The following TMEM108 variants were observed in gnomAD, a reference collection of about 807,000 sequenced individuals.
TMEM108 encodes the protein transmembrane protein 108.
TMEM108 carries 12 observed loss-of-function variants against 35.1 expected under a neutral mutation model. The ratio of observed to expected loss-of-function variants is 0.34; its 90% confidence interval spans 0.22 to 0.55. The LOEUF (loss-of-function observed/expected upper bound fraction) is 0.55. Among genes scored for constraint, TMEM108 ranks in the 20% least tolerant of loss-of-function variants. The probability of loss-of-function intolerance (pLI) is 0.89; values close to 1 mark genes in which losing one functional copy is unlikely to be tolerated. For missense variants in TMEM108, 680 were observed against 753.3 expected (o/e 0.90, Z 1.14); for synonymous variants, 287 against 308.6 (o/e 0.93, Z 0.73).
intron 2 of TMEM108, among the ~76,000 whole-genome samples, chr3:133,077,272 GA>G (rs34594883): frequency 0.17 from 26,201 of 152,058 alleles, 2,375 homozygotes; most frequent in East Asian, 0.23. Context: ...TTGCAGAGAG[GA>G]AAAAGGGCCC....
intron 2 of TMEM108, among the ~76,000 whole-genome samples, chr3:133,151,061 C>T (rs758493366): frequency 6.6e-6 from 1 of 152,124 alleles, no homozygotes; most frequent in Non-Finnish European, 1.5e-5. Context: ...TTCCAAGAAC[C>T]CTTTTTTATT....
chr3:133,309,978 G>A (rs956706484), intron 3 of TMEM108, among the ~76,000 whole-genome samples: 20 of 152,148 alleles, frequency 1.3e-4, no homozygotes, highest in Non-Finnish European at 2.8e-4. Flanking sequence ...GGGATTACAG[G>A]CGTGAGCCAC....
intron 3 of TMEM108, among the ~76,000 whole-genome samples, chr3:133,347,027 C>T (rs1233625732): frequency 6.6e-6 from 1 of 152,086 alleles, no homozygotes; most frequent in South Asian, 2.1e-4. Flanking sequence ...TATTACACTG[C>T]CTTCATTACT....
chr3:133,178,408 A>T (rs1945272773), intron 2 of TMEM108, among the ~76,000 whole-genome samples: 1 of 152,186 alleles, frequency 6.6e-6, no homozygotes, highest in Non-Finnish European at 1.5e-5. Context: ...ACTTCAAATT[A>T]TACTACAAGG....
chr3:133,101,715 A>G (rs1485151798), intron 2 of TMEM108, among the ~76,000 whole-genome samples: 2 of 152,256 alleles, frequency 1.3e-5, no homozygotes, highest in Non-Finnish European at 2.9e-5. Context: ...AACTTAAAAC[A>G]TATAGTTGGA....
chr3:133,396,725 C>G lies in TMEM108; in HGVS notation c.*739C>G, dbSNP rs905053162. On this transcript the variant is annotated 3_prime_UTR_variant, in exon 6 of 6. Transcript: ENST00000321871. ...GCCCATTCCTGTATCCCCTCCAACA[C>G]CCACATCTGCATTAAACACCCGTGC... 1 of 152,194 alleles carries G rather than the reference C, an allele frequency of 6.6e-6. No homozygotes were observed. The highest frequency in any genetic ancestry group is 2.4e-5 in the African/African-American group (1 of 41,442). The allele number at this position is 152,194 out of a possible 1,614,324, so 9.4% of individuals were successfully genotyped here.
intron 2 of TMEM108, among the ~76,000 whole-genome samples, chr3:133,217,838 T>G (rs1479002135): frequency 2.0e-5 from 3 of 152,112 alleles, no homozygotes. Flanking sequence ...GTGGTGTATT[T>G]TGAAGTCAGG....
At chr3:133,059,750 T>C (rs1943515184) in intron 2 of TMEM108, among the ~76,000 whole-genome samples, 1 of 152,130 alleles carries the variant, frequency 6.6e-6, no homozygotes. Context: ...CATACAAAAA[T>C]CATTGTTTTT....
At chr3:133,352,033 G>T (rs910324184) in intron 3 of TMEM108, among the ~76,000 whole-genome samples, 2 of 152,108 alleles carry the variant, frequency 1.3e-5, no homozygotes, top group African/African-American at 4.8e-5. Flanking sequence ...CATCTTAAAA[G>T]CTAATGTTAA....
intron 3 of TMEM108, among the ~76,000 whole-genome samples, chr3:133,268,527 T>G (rs1349076110): frequency 6.6e-6 from 1 of 152,216 alleles, no homozygotes; most frequent in Non-Finnish European, 1.5e-5. Flanking sequence ...TTTATTCTAC[T>G]TCAAAACTAG....
chr3:133,275,258 TATA>T (rs1243125406), intron 3 of TMEM108, among the ~76,000 whole-genome samples: 3 of 152,174 alleles, frequency 2.0e-5, no homozygotes, highest in African/African-American at 7.2e-5. Flanking sequence ...CCACTAGAAA[TATA>T]ATAGGAATCA....
chr3:133,370,504 C>T (rs1239150489), intron 3 of TMEM108, among the ~76,000 whole-genome samples: 3 of 152,166 alleles, frequency 2.0e-5, no homozygotes, highest in Admixed American at 1.3e-4. Flanking sequence ...CTCTGGTTCT[C>T]TACTGTAAAG....
chr3:133,323,064 T>C (rs1007580180), intron 3 of TMEM108, among the ~76,000 whole-genome samples: 1 of 151,912 alleles, frequency 6.6e-6, no homozygotes, highest in Non-Finnish European at 1.5e-5. Context: ...TACTGAACAG[T>C]GAAAAGTTGA....
intron 2 of TMEM108, among the ~76,000 whole-genome samples, chr3:133,172,128 C>CAATT (rs1303958161): frequency 6.6e-6 from 1 of 152,162 alleles, no homozygotes; most frequent in Non-Finnish European, 1.5e-5. Flanking sequence ...CACAGGGATG[C>CAATT]AATTGTCCTC....
intron 2 of TMEM108, among the ~76,000 whole-genome samples, chr3:133,105,209 G>A (rs951548192): frequency 1.3e-5 from 2 of 152,182 alleles, no homozygotes; most frequent in South Asian, 2.1e-4. Context: ...GAGCTCACCA[G>A]GTGGTTGGCA....
intron 3 of TMEM108, among the ~76,000 whole-genome samples, chr3:133,268,157 G>A (rs1163216078): frequency 6.6e-6 from 1 of 152,248 alleles, no homozygotes; most frequent in Non-Finnish European, 1.5e-5. Context: ...TGCAGAGGCA[G>A]TAAGAAGAGA....
intron 3 of TMEM108, among the ~76,000 whole-genome samples, chr3:133,350,800 G>A (rs1411726776): frequency 6.6e-6 from 1 of 152,074 alleles, no homozygotes; most frequent in African/African-American, 2.4e-5. Flanking sequence ...GAAACACCAA[G>A]CATTGTATAC....
intron 2 of TMEM108, among the ~76,000 whole-genome samples, chr3:133,217,913 G>T (rs2107847477): frequency 6.6e-6 from 1 of 151,914 alleles, no homozygotes; most frequent in Non-Finnish European, 1.5e-5. Context: ...GAGTCTTTGT[G>T]GTTCATTACC....
rs1409546082 is a variant in TMEM108 at position 133,380,777 on chromosome 3, G to T, written c.1066G>T (p.Ala356Ser). 6.8e-6 allele frequency: 11 copies of T among 1,614,124 alleles called. No individual in the cohort carries two copies. Among genetic ancestry groups the T allele is most frequent in the Admixed American group, 1.7e-5 (1 of 60,024 alleles). ...TACCAGCTCTGGGGTCTTCACGGCT[G>T]CCACGGGGCCCACCCCAGCTGCCTT... is the stretch of plus-strand genomic sequence containing the variant. ...LSTSSGVFTA[A>S]TGPTPAAFDT... is the part of the protein sequence containing the mutation. The change falls in exon 4 of 6, where the codon GCC (alanine) becomes TCC (serine). Residue 356 changes from alanine to serine, a missense_variant. Ala to Ser is a moderately conservative substitution (Grantham distance 99). Transcript: ENST00000321871. This position sits in a 1 kb window ranked among gnomAD's most constrained non-coding sequence, Gnocchi z 5.3.
Sources: gnomAD v4.1 joint callset for allele counts (sites outside exome capture counted in the v4.1 genomes callset) on GRCh38, gnomAD v4.1.1 for gene constraint, Gnocchi (gnomAD v3.1) non-coding constraint, MANE v1.5 for transcripts, NCBI Gene and HGNC (gene_info 2026-07-23, HGNC 2026-07-21) for gene names.